The following LINGO2 variants were observed in gnomAD, a reference collection of about 807,000 sequenced individuals.
The protein encoded by LINGO2 is leucine-rich repeat and immunoglobulin-like domain-containing nogo receptor-interacting protein 2.
A neutral mutation model predicts 30.6 loss-of-function variants in LINGO2; 14 were observed. The ratio of observed to expected loss-of-function variants is 0.46; its 90% confidence interval spans 0.30 to 0.72. The LOEUF is 0.72. Among genes scored for constraint, LINGO2 ranks in the 30% least tolerant of loss-of-function variants. The pLI is 0.07. For synonymous variants in LINGO2, 317 were observed against 288.5 expected (o/e 1.10, Z -1.00); for missense variants, 729 against 751.7 (o/e 0.97, Z 0.35).
the LINGO2 span, among the ~76,000 whole-genome samples, chr9:29,149,572 G>A: frequency 6.6e-6 from 1 of 151,764 alleles, no homozygotes; most frequent in African/African-American, 2.4e-5. Context: ...AAATGCTAGG[G>A]CTAGTTTCCA....
At chr9:29,162,882 G>C in the LINGO2 span, among the ~76,000 whole-genome samples, 1 of 152,052 alleles carries the variant, frequency 6.6e-6, no homozygotes, top group Non-Finnish European at 1.5e-5. Context: ...TTACCCCAAA[G>C]ATTATTTCAC....
chr9:28,603,202 A>G (rs553072664), intron 1 of LINGO2, among the ~76,000 whole-genome samples: 28 of 152,088 alleles, frequency 1.8e-4, no homozygotes, highest in Non-Finnish European at 3.1e-4. Context: ...CAAGTTCACA[A>G]TAAAAGTCTG....
At chr9:28,518,034 C>T (rs1273659114) in intron 1 of LINGO2, among the ~76,000 whole-genome samples, 4 of 152,102 alleles carry the variant, frequency 2.6e-5, no homozygotes, top group Non-Finnish European at 5.9e-5. Context: ...TTACCCTTGG[C>T]AGTGAGTCAC....
At chr9:29,079,384 G>C in the LINGO2 span, among the ~76,000 whole-genome samples, 1 of 151,912 alleles carries the variant, frequency 6.6e-6, no homozygotes, top group Non-Finnish European at 1.5e-5. Flanking sequence ...AGGAGAAAAT[G>C]TCTGCTAAAA....
chr9:28,677,581 T>C, the LINGO2 span, among the ~76,000 whole-genome samples: 1 of 152,162 alleles, frequency 6.6e-6, no homozygotes, highest in Non-Finnish European at 1.5e-5. Flanking sequence ...ATTCAGCACA[T>C]ATCTTCAGTG....
At chr9:28,964,864 G>T in the LINGO2 span, among the ~76,000 whole-genome samples, 1 of 151,788 alleles carries the variant, frequency 6.6e-6, no homozygotes, top group Non-Finnish European at 1.5e-5. Flanking sequence ...CGCATGGGAT[G>T]GTCTAAGATA....
chr9:29,134,104 A>T, the LINGO2 span, among the ~76,000 whole-genome samples: 7 of 152,166 alleles, frequency 4.6e-5, no homozygotes, highest in Non-Finnish European at 1.0e-4. Context: ...GGTTTGAGTC[A>T]ACCTCTAATA....
At chr9:28,869,265 C>T in the LINGO2 span, among the ~76,000 whole-genome samples, 2 of 152,174 alleles carry the variant, frequency 1.3e-5, no homozygotes, top group South Asian at 4.1e-4. Context: ...ACTGACAAAT[C>T]TGCAAATATT....
intron 1 of LINGO2, among the ~76,000 whole-genome samples, chr9:28,502,461 G>T (rs906016299): frequency 1.3e-5 from 2 of 151,902 alleles, no homozygotes; most frequent in Non-Finnish European, 2.9e-5. Context: ...CAATCCAAAG[G>T]TTCACTCGTA....
chr9:28,608,044 G>A (rs2135772708), intron 1 of LINGO2, among the ~76,000 whole-genome samples: 1 of 151,798 alleles, frequency 6.6e-6, no homozygotes, highest in East Asian at 1.9e-4. Context: ...GATCTAATCT[G>A]GACACTCATC....
At chr9:28,446,183 T>A (rs888483537) in intron 2 of LINGO2, among the ~76,000 whole-genome samples, 1 of 152,206 alleles carries the variant, frequency 6.6e-6, no homozygotes, top group Non-Finnish European at 1.5e-5. Context: ...GGATATGGAA[T>A]GAAACAAATT....
the LINGO2 span, among the ~76,000 whole-genome samples, chr9:28,791,079 T>A: frequency 1.3e-5 from 2 of 152,166 alleles, no homozygotes; most frequent in Non-Finnish European, 2.9e-5. Flanking sequence ...TCTATGCGAA[T>A]GTATGTATAA....
the LINGO2 span, among the ~76,000 whole-genome samples, chr9:28,988,393 C>T: frequency 6.6e-6 from 1 of 152,110 alleles, no homozygotes; most frequent in Non-Finnish European, 1.5e-5. Flanking sequence ...ATATTTTCAA[C>T]TTCTTTGCTT....
At chr9:28,312,125 T>C (rs375810410) in intron 3 of LINGO2, among the ~76,000 whole-genome samples, 5 of 149,238 alleles carry the variant, frequency 3.4e-5, no homozygotes, top group African/African-American at 1.2e-4. Context: ...CTATGTTCTT[T>C]AGCTAGATGT....
chr9:29,128,869 A>C, the LINGO2 span, among the ~76,000 whole-genome samples: 1 of 152,162 alleles, frequency 6.6e-6, no homozygotes, highest in African/African-American at 2.4e-5. Context: ...TTATAACTAA[A>C]AGAGCACTCA....
chr9:29,193,449 C>T, the LINGO2 span, among the ~76,000 whole-genome samples: 1 of 152,144 alleles, frequency 6.6e-6, no homozygotes, highest in African/African-American at 2.4e-5. Flanking sequence ...GCTCCTGGTA[C>T]CTGGCATCCT....
chr9:28,273,699 G>T (rs1587367941), intron 4 of LINGO2, among the ~76,000 whole-genome samples: 1 of 152,112 alleles, frequency 6.6e-6, no homozygotes, highest in Non-Finnish European at 1.5e-5. Flanking sequence ...GCAACTAATG[G>T]TCCCATAAAA....
chr9:28,635,220 G>C lies in LINGO2; in HGVS notation c.-365+34980C>G, dbSNP rs80202868. Among the ~76,000 whole-genome samples, 1,407 of 152,228 alleles carry C rather than the reference G, an allele frequency of 9.2e-3. 27 individuals carry two copies. Among genetic ancestry groups the C allele is most frequent in the East Asian group, 0.08 (412 of 5,174 alleles). On this transcript the variant is annotated intron_variant, in intron 1 of 5. Coordinates refer to ENST00000379992, the Ensembl canonical transcript of LINGO2. ...GATTAACTGTCACTTATAACCAAAA[G>C]AGCCTTTTTATTAGAGTAGCTGTAA...
chr9:28,883,628 G>GTGTGTATGTGTATATATA, the LINGO2 span, among the ~76,000 whole-genome samples: 16 of 64,174 alleles, frequency 2.5e-4, no homozygotes, highest in South Asian at 2.5e-3. Context: ...ATGTGTGTGT[G>GTGTGTATGTGTATATATA]TATATATATA....
Sources: allele counts gnomAD v4.1 joint callset (sites outside exome capture counted in the v4.1 genomes callset), GRCh38; gene constraint gnomAD v4.1.1; transcripts MANE v1.5; gene names NCBI Gene and HGNC (gene_info 2026-07-23, HGNC 2026-07-21).